Variants in LRP2 observed in about 807,000 individuals in gnomAD.
LRP2 encodes the protein LDL receptor related protein 2, also known as low-density lipoprotein receptor-related protein 2.
In LRP2, 172 loss-of-function variants were observed where a neutral mutation model predicts 531.0. The observed-to-expected ratio is 0.32, with a 90% CI of 0.29 to 0.37. The LOEUF (loss-of-function observed/expected upper bound fraction) is 0.37. Ranked by LOEUF, LRP2 falls within the 10% of genes least tolerant of loss-of-function variation. The pLI, the probability that LRP2 is intolerant of heterozygous loss-of-function variation, is 1.00. For missense variants in LRP2, 5,167 were observed against 5,868.3 expected (o/e 0.88, Z 3.90); for synonymous variants, 1,992 against 2,027.6 (o/e 0.98, Z 0.47).
Position 169,305,638 on chromosome 2 carries a change from T to G in LRP2, c.427+1643A>C, listed in dbSNP as rs140586227. Among the ~76,000 whole-genome samples, 130 of 152,292 alleles carry G rather than the reference T, an allele frequency of 8.5e-4. 1 individual carries two copies. Among genetic ancestry groups the G allele is most frequent in the African/African-American group, 1.7e-3 (71 of 41,564 alleles). On this transcript the variant is annotated intron_variant, in intron 4 of 78. Transcript: ENST00000649046. Reference sequence around the variant, plus strand: ...ATTTCTAAGGTACACAAAAATCTGCTCACCAATTAATGGAATACTGGGATA... The same window carrying G: ...ATTTCTAAGGTACACAAAAATCTGCGCACCAATTAATGGAATACTGGGATA...
At chr2:169,358,121 A>G (rs1028317482) in intron 1 of LRP2, among the ~76,000 whole-genome samples, 88 of 152,252 alleles carry the variant, frequency 5.8e-4, no homozygotes, top group African/African-American at 2.1e-3. Context: ...TCATCTGCTT[A>G]TCAGACTGTG....
At position 169,277,925 on chromosome 2, in the gene LRP2, C is replaced by G; in HGVS notation, c.1592G>C (p.Ser531Thr). ...VGYLFFSDWE[S>T]LSGEPKLERA... ...TTCCAGCTTAGGTTCCCCAGAAAGG[C>G]TCTCCCAATCTGAGAAAAATAAATA... The change falls in exon 13 of 79, where the codon AGC becomes ACC. Residue 531 changes from serine to threonine, a missense_variant. By Grantham distance (58) the Ser-to-Thr change is moderately conservative. Coordinates refer to ENST00000649046, the MANE Select transcript of LRP2 (RefSeq NM_004525.3). 6.2e-7 allele frequency: 1 copy of G among 1,613,776 alleles called. No individual in the cohort carries two copies. Among genetic ancestry groups the G allele is most frequent in the Non-Finnish European group, 8.5e-7 (1 of 1,179,770 alleles).
chr2:169,352,911 T>A (rs1279896966), intron 1 of LRP2, among the ~76,000 whole-genome samples: 2 of 151,888 alleles, frequency 1.3e-5, no homozygotes, highest in Non-Finnish European at 2.9e-5. Context: ...TTAGGACAAA[T>A]ACCTAATGCA....
chr2:169,270,617 G>A (rs1683382049), intron 16 of LRP2, among the ~76,000 whole-genome samples: 1 of 129,550 alleles, frequency 7.7e-6, no homozygotes, highest in Admixed American at 7.9e-5. Context: ...GGGGTGGGGG[G>A]AGGGGGAGGG....
intron 9 of LRP2, among the ~76,000 whole-genome samples, chr2:169,288,779 TGGA>T (rs1683923621): frequency 6.6e-6 from 1 of 152,220 alleles, no homozygotes; most frequent in African/African-American, 2.4e-5. Context: ...CATCAAGTAA[TGGA>T]TAGGTTCCAG....
Position 169,279,615 on chromosome 2 carries a change from T to A in LRP2, c.1342-20A>T. 6.7e-7 allele frequency: 1 copy of A among 1,483,306 alleles called. No homozygotes were observed. Among genetic ancestry groups the A allele is most frequent in the Non-Finnish European group, 9.4e-7 (1 of 1,062,580 alleles). 91.9% of individuals were successfully genotyped at this position (1,483,306 alleles called of 1,614,324 possible). A position where few individuals can be genotyped will look rare whatever the true frequency, so the allele number is the denominator to read the frequency against. On this transcript the variant is annotated intron_variant, in intron 11 of 78. Transcript: ENST00000649046. ...AAAAACCTGAAAGAAAAACCAAAAT[T>A]ATTATATTTCTTCAGCATCACTAAC...
intron 61 of LRP2, among the ~76,000 whole-genome samples, chr2:169,167,201 T>C (rs983488845): frequency 6.6e-6 from 1 of 152,178 alleles, no homozygotes; most frequent in African/African-American, 2.4e-5. Flanking sequence ...GTCTCAAGAT[T>C]CATGAAGTTC....
At chr2:169,240,954 T>A (rs1197898810) in intron 25 of LRP2, 34 bp downstream of exon 25, 2 of 1,605,760 alleles carry the variant, frequency 1.2e-6, no homozygotes, top group Middle Eastern at 1.7e-4. Flanking sequence ...TCAGAATGAG[T>A]TTATGGCCAG....
intron 62 of LRP2, among the ~76,000 whole-genome samples, chr2:169,165,705 T>C (rs1013943387): frequency 8.5e-5 from 13 of 152,150 alleles, no homozygotes; most frequent in East Asian, 1.9e-4. Flanking sequence ...GACTGAAAAA[T>C]TAATGGATTT....
In LRP2 at chr2:169,295,405, A is replaced by G. The variant is rs567324263; in HGVS notation, c.428-695T>C. 3.3e-5 allele frequency among the ~76,000 whole-genome samples: 5 copies of G among 152,340 alleles called. No homozygotes were observed. In the South Asian group the frequency reaches 1.0e-3, roughly 32 times the overall value. On this transcript the variant is annotated intron_variant, in intron 4 of 78. Coordinates refer to ENST00000649046, the MANE Select transcript of LRP2 (RefSeq NM_004525.3). ...ACAAATTGTTGTTGCCACGTTATGTACATATGACCACCTCACTGCTACTCA... is the reference window on the plus strand; with the variant it reads ...ACAAATTGTTGTTGCCACGTTATGTGCATATGACCACCTCACTGCTACTCA...
chr2:169,328,281 G>A (rs1467202790), intron 1 of LRP2, among the ~76,000 whole-genome samples: 1 of 126,080 alleles, frequency 7.9e-6, no homozygotes. Flanking sequence ...CGTCCGGGAG[G>A]GAGGTGGGGG....
chr2:169,212,859 T>C (rs1169367863), intron 36 of LRP2, among the ~76,000 whole-genome samples: 1 of 150,878 alleles, frequency 6.6e-6, no homozygotes, highest in Admixed American at 6.6e-5. Context: ...ATCTCACAAA[T>C]CACCACTAAA....
Position 169,231,699 on chromosome 2 carries a change from A to G in LRP2, c.5227+15T>C. On this transcript the variant is annotated intron_variant, in intron 31 of 78. Coordinates refer to ENST00000649046, the MANE Select transcript of LRP2 (RefSeq NM_004525.3). ...CAGCTCCATCTTCAGAGCTCACATA[A>G]GGAGCATACTATACCTCTCAAGCAA... 6.2e-7 allele frequency: 1 copy of G among 1,613,802 alleles called. No homozygotes were observed. Among genetic ancestry groups the G allele is most frequent in the Non-Finnish European group, 8.5e-7 (1 of 1,179,862 alleles).
intron 35 of LRP2, among the ~76,000 whole-genome samples, chr2:169,215,764 A>ATTCT (rs1688763252): frequency 1.4e-5 from 2 of 147,510 alleles, no homozygotes; most frequent in Admixed American, 6.8e-5. Flanking sequence ...TCATATATAG[A>ATTCT]ATCTATATAG....
rs866266582 is a variant in LRP2 at position 169,248,943 on chromosome 2, G to T, written c.2771-1428C>A. 2.4e-4 allele frequency among the ~76,000 whole-genome samples: 11 copies of T among 45,190 alleles called. No homozygotes were observed. In the South Asian group the frequency reaches 8.8e-3, roughly 36 times the overall value. The allele number at this position is 45,190 out of a possible 152,430, so 29.6% of individuals were successfully genotyped here. ...TTTTCAGACCGGCTTAAGAAACGGC[G>T]CACCACGAGACTATATCCCACACCT... On this transcript the variant is annotated intron_variant, in intron 19 of 78. Coordinates refer to ENST00000649046, the MANE Select transcript of LRP2 (RefSeq NM_004525.3).
intron 1 of LRP2, among the ~76,000 whole-genome samples, chr2:169,338,725 A>G (rs1685488215): frequency 6.6e-6 from 1 of 152,282 alleles, no homozygotes; most frequent in South Asian, 2.1e-4. Flanking sequence ...CAAAGTCTGA[A>G]TAGCCAGATG....
intron 45 of LRP2, among the ~76,000 whole-genome samples, chr2:169,198,472 G>A (rs1161433074): frequency 6.6e-6 from 1 of 152,094 alleles, no homozygotes; most frequent in African/African-American, 2.4e-5. Flanking sequence ...TAAATTATAA[G>A]GGCTTAACGG....
chr2:169,217,046 G>T (rs75241704), intron 34 of LRP2, among the ~76,000 whole-genome samples: 39 of 152,124 alleles, frequency 2.6e-4, no homozygotes, highest in African/African-American at 9.2e-4. Context: ...ATTTCACAGC[G>T]ATCAGGTACA....
rs1313645291 is a variant in LRP2, at chr2:169,176,595, G to T, written c.10394-7C>A. 4 of 1,613,246 alleles carry T rather than the reference G, an allele frequency of 2.5e-6. No homozygotes were observed. Among genetic ancestry groups the T allele is most frequent in the Admixed American group, 3.3e-5 (2 of 60,002 alleles). On this transcript the variant is annotated splice_region_variant and splice_polypyrimidine_tract_variant and intron_variant, in intron 53 of 78. Coordinates refer to ENST00000649046, the MANE Select transcript of LRP2 (RefSeq NM_004525.3). ...GTACCACAGGGATTGCTCACTAGTG[G>T]AAAAGGAAGAAAATATGTGTTCATT... is the stretch of plus-strand genomic sequence containing the variant.
Sources: allele counts gnomAD v4.1 joint callset (sites outside exome capture counted in the v4.1 genomes callset), GRCh38; gene constraint gnomAD v4.1.1; transcripts MANE v1.5; gene names NCBI Gene and HGNC (gene_info 2026-07-23, HGNC 2026-07-21).